Variants in NTN4 observed in about 807,000 individuals in gnomAD.
NTN4 encodes the protein netrin-4.
NTN4 carries 32 observed loss-of-function variants against 73.6 expected under a neutral mutation model. The observed-to-expected ratio is 0.44, with a 90% CI of 0.33 to 0.58. The LOEUF (loss-of-function observed/expected upper bound fraction) is 0.58. Ranked by LOEUF, NTN4 falls within the 20% of genes least tolerant of loss-of-function variation. The pLI, the probability that NTN4 is intolerant of heterozygous loss-of-function variation, is 0.04. For synonymous variants in NTN4, 258 were observed against 287.5 expected, an observed-to-expected ratio of 0.90 and a Z score of 1.04; for missense variants, 654 against 798.3, an observed-to-expected ratio of 0.82 and a Z score of 2.18.
chr12:95,783,449 C>T lies in NTN4; in HGVS notation c.585+3490G>A, dbSNP rs79118627. Among the ~76,000 whole-genome samples the T allele has an allele frequency of 1.2e-3, 183 of 152,338 alleles. 5 individuals are homozygous for T. In the East Asian group the frequency reaches 0.026, roughly 21 times the overall value. On this transcript the variant is annotated intron_variant, in intron 2 of 9. Coordinates refer to ENST00000343702, the MANE Select transcript of NTN4 (RefSeq NM_021229.4). Reference sequence around the variant, plus strand: ...AGTATACCACTGCCATCTCAGAGGACATTACTGCTCAGGAGAAAACTGTTT... The same window carrying T: ...AGTATACCACTGCCATCTCAGAGGATATTACTGCTCAGGAGAAAACTGTTT...
rs528205752 is a variant in NTN4 at position 95,749,923 on chromosome 12, C to A, written c.586-11779G>T. ...CTCCTTCACCCTTAGTGGCAAGTCC[C>A]GCTTTTCTGGGGGAGGGGCAAGTAC... On this transcript the variant is annotated intron_variant, in intron 2 of 9. Coordinates refer to ENST00000343702, the MANE Select transcript of NTN4 (RefSeq NM_021229.4). Among the ~76,000 whole-genome samples the A allele has an allele frequency of 2.1e-4, 29 of 137,748 alleles. 2 individuals carry two copies. In the East Asian group the frequency reaches 6.3e-3, roughly 30 times the overall value. 90.4% of individuals were successfully genotyped at this position (137,748 alleles called of 152,430 possible).
At chr12:95,679,207 C>T (rs748387735) in intron 7 of NTN4, among the ~76,000 whole-genome samples, 5 of 152,030 alleles carry the variant, frequency 3.3e-5, no homozygotes, top group African/African-American at 7.3e-5. Flanking sequence ...GGCAAAGAAC[C>T]GATAGCTAAG....
intron 5 of NTN4, among the ~76,000 whole-genome samples, chr12:95,703,675 A>G (rs1343451034): frequency 2.6e-5 from 4 of 152,248 alleles, no homozygotes; most frequent in Non-Finnish European, 5.9e-5. Context: ...ATAGAATTAG[A>G]ACTCTGCAGA....
At chr12:95,742,438 G>T (rs1367651022) in intron 2 of NTN4, among the ~76,000 whole-genome samples, 1 of 151,554 alleles carries the variant, frequency 6.6e-6, no homozygotes, top group Non-Finnish European at 1.5e-5. Context: ...CATCAATACA[G>T]TGTGAACAGA....
At chr12:95,672,677 T>C (rs1280129024) in intron 7 of NTN4, 10 of 1,468,718 alleles carry the variant, frequency 6.8e-6, no homozygotes, top group African/African-American at 1.4e-5. Context: ...CCCACCACCC[T>C]GCTGGAGCCT....
chr12:95,673,940 T>A (rs4762598), intron 7 of NTN4: 21,249 of 152,138 alleles, frequency 0.14, 1,737 homozygotes, highest in African/African-American at 0.22. Flanking sequence ...TGAGCATCAC[T>A]GTACTAAATC....
chr12:95,761,613 G>T (rs960177778), intron 2 of NTN4, among the ~76,000 whole-genome samples: 6 of 152,232 alleles, frequency 3.9e-5, no homozygotes, highest in Middle Eastern at 6.8e-3. Context: ...AATTACAGGC[G>T]TGAGCCACCG....
At chr12:95,672,631 G>A (rs1174351758) in intron 7 of NTN4, 5 of 1,522,294 alleles carry the variant, frequency 3.3e-6, no homozygotes, top group Non-Finnish European at 4.5e-6. Flanking sequence ...AGCATGGTGA[G>A]GCCCAGGTGA....
chr12:95,775,543 A>C (rs1240607048), intron 2 of NTN4, among the ~76,000 whole-genome samples: 1 of 152,252 alleles, frequency 6.6e-6, no homozygotes, highest in Admixed American at 6.5e-5. Flanking sequence ...TATCCCGTGC[A>C]TGGCTCAGAG....
At position 95,781,758 on chromosome 12, in the gene NTN4, T is replaced by C. The variant is rs1465365412; in HGVS notation, c.585+5181A>G. Among the ~76,000 whole-genome samples, 1 of 152,320 alleles carries C rather than the reference T, an allele frequency of 6.6e-6. No individual in the cohort carries two copies. The highest frequency in any genetic ancestry group is 1.9e-4 in the East Asian group (1 of 5,190). On this transcript the variant is annotated intron_variant, in intron 2 of 9. Transcript: ENST00000343702. This position sits in a 1 kb window ranked among gnomAD's most constrained non-coding sequence, Gnocchi z 4.1. ...ATTTAAAAAAATAGAAAAATAAAAATAGCAAACCTTCCCCTGCCAGCATTC... is the reference window on the plus strand; with the variant it reads ...ATTTAAAAAAATAGAAAAATAAAAACAGCAAACCTTCCCCTGCCAGCATTC...
In NTN4 at chr12:95,682,811, A is replaced by G. The variant is rs761415039; in HGVS notation, c.1406T>C (p.Ile469Thr). The change falls in exon 7 of 10, where the codon ATA becomes ACA. Residue 469 changes from isoleucine (I) to threonine (T), a missense_variant. Physicochemically the swap from Ile to Thr is moderately conservative, Grantham distance 89. Coordinates refer to ENST00000343702, the MANE Select transcript of NTN4 (RefSeq NM_021229.4). ...TGDCISSHTD[I>T]DWYHEVPDFR... ...GTCAGGAACTTCATGATACCAGTCTATGTCTGTGTGGCTAACAAAATAGAA... is the reference window on the plus strand; with the variant it reads ...GTCAGGAACTTCATGATACCAGTCTGTGTCTGTGTGGCTAACAAAATAGAA... The G allele has an allele frequency of 7.5e-6, 12 of 1,607,504 alleles. No homozygotes were observed. The highest frequency in any genetic ancestry group is 9.4e-6 in the Non-Finnish European group (11 of 1,174,652).
At chr12:95,728,822 G>A (rs1398706006) in intron 3 of NTN4, among the ~76,000 whole-genome samples, 2 of 152,122 alleles carry the variant, frequency 1.3e-5, no homozygotes, top group Non-Finnish European at 2.9e-5. Context: ...GGATCATGGG[G>A]GCTGTTTCTC....
intron 3 of NTN4, among the ~76,000 whole-genome samples, chr12:95,734,069 CAAAAAAAAAAAAA>C (rs34550049): frequency 0.13 from 12,595 of 94,388 alleles, 1,783 homozygotes; most frequent in African/African-American, 0.36. Flanking sequence ...GACTCCATTT[CAAAAAAAAAAAAA>C]AAAAAAAAGG....
chr12:95,670,093 T>C lies in NTN4; in HGVS notation c.1564A>G (p.Met522Val), dbSNP rs2078215786. 6.3e-7 allele frequency: 1 copy of C among 1,592,254 alleles called. No homozygotes were observed. The highest frequency in any genetic ancestry group is 8.6e-7 in the Non-Finnish European group (1 of 1,167,018). ...TCAGACTCACCATATGAATATTTCA[T>C]TCCACAGAATGCCTTGGCATTTCCT... ...TLGNAKAFCG[M>V]KYSYVLKIKI... Residue 522 changes from methionine to valine, a missense_variant, in exon 8 of 10, where the codon ATG (methionine) becomes GTG (valine). By Grantham distance (21) the Met-to-Val change is conservative. Transcript: ENST00000343702.
At chr12:95,732,103 T>C (rs1023274343) in intron 3 of NTN4, among the ~76,000 whole-genome samples, 1 of 152,224 alleles carries the variant, frequency 6.6e-6, no homozygotes, top group Admixed American at 6.5e-5. Context: ...TGTTTTACCA[T>C]ATGAAGTATT....
chr12:95,760,499 T>C lies in NTN4; in HGVS notation c.586-22355A>G, dbSNP rs1355600725. 5.3e-5 allele frequency among the ~76,000 whole-genome samples: 8 copies of C among 152,242 alleles called. No individual in the cohort carries two copies. In the South Asian group the frequency reaches 1.7e-3, roughly 32 times the overall value. ...TAGCTGCCCTGGCCTCCTTGAGCAC[T>C]CATCTCTGTCTCCTCAACTTGGTGG... On this transcript the variant is annotated intron_variant, in intron 2 of 9. Coordinates refer to ENST00000343702, the MANE Select transcript of NTN4 (RefSeq NM_021229.4).
intron 3 of NTN4, among the ~76,000 whole-genome samples, chr12:95,731,336 G>C (rs2078735537): frequency 1.3e-5 from 2 of 152,330 alleles, no homozygotes; most frequent in African/African-American, 2.4e-5. Flanking sequence ...GGGAGGGCAA[G>C]GTGGGCAGAT....
rs954927392 is a variant in NTN4, at chr12:95,790,016, C to T, written c.55+239G>A. The T allele has an allele frequency of 9.5e-6, 4 of 422,238 alleles. No homozygotes were observed. Among genetic ancestry groups the T allele is most frequent in the Non-Finnish European group, 1.3e-5 (3 of 237,164 alleles). 26.2% of individuals were successfully genotyped at this position (422,238 alleles called of 1,614,324 possible). A position where few individuals can be genotyped will look rare whatever the true frequency, so the allele number is the denominator to read the frequency against. ...GAAACCCCGGTCGCAGTATCCCCGG[C>T]AGGGCGCACCCAGGATAGCTGGTTA... is the stretch of plus-strand genomic sequence containing the variant. On this transcript the variant is annotated intron_variant, in intron 1 of 9. Transcript: ENST00000343702. The surrounding 1 kb of genome is among the most constrained non-coding windows in gnomAD (Gnocchi z 6.5).
At chr12:95,783,569 AC>A (rs777030050) in intron 2 of NTN4, among the ~76,000 whole-genome samples, 2 of 152,206 alleles carry the variant, frequency 1.3e-5, no homozygotes, top group Non-Finnish European at 2.9e-5. Context: ...GATATTCCCC[AC>A]CAGTAGTTCT....
Sources: allele counts gnomAD v4.1 joint callset (sites outside exome capture counted in the v4.1 genomes callset), GRCh38; gene constraint gnomAD v4.1.1; non-coding constraint Gnocchi (gnomAD v3.1); transcripts MANE v1.5; gene names NCBI Gene and HGNC (gene_info 2026-07-23, HGNC 2026-07-21).